Variants in ZNF417 observed in about 807,000 individuals in gnomAD.
ZNF417 encodes zinc finger protein 417.
A neutral mutation model predicts 7.4 loss-of-function variants in ZNF417; 5 were observed. That is an observed-to-expected ratio of 0.68 (90% CI 0.35 to 1.43). The LOEUF is 1.43. Among genes scored for constraint, ZNF417 ranks in the 40% most tolerant of loss-of-function variants. ZNF417 has a pLI of 0.04. For missense variants in ZNF417, 437 were observed against 697.3 expected (o/e 0.63, Z 4.20); for synonymous variants, 147 against 239.1 (o/e 0.61, Z 3.55).
chr19:57,908,671 A>G lies in ZNF417; in HGVS notation c.1607T>C (p.Ile536Thr). ...GKSFAECSSL[I>T]KHRRIHTGER... ...TCCAGTGTGAATTCTCCTGTGTTTA[A>G]TGAGACTGGAACATTCAGCAAAGGA... Residue 536 changes from isoleucine to threonine, a missense_variant, in exon 3 of 3, where the codon ATT becomes ACT. Ile to Thr is a moderately conservative substitution (Grantham distance 89, BLOSUM62 -1). Coordinates refer to ENST00000312026, the MANE Select transcript of ZNF417 (RefSeq NM_152475.3). The G allele has an allele frequency of 6.2e-7, 1 of 1,614,050 alleles. No homozygotes were observed. The highest frequency in any genetic ancestry group is 8.5e-7 in the Non-Finnish European group (1 of 1,180,028).
intron 2 of ZNF417, among the ~76,000 whole-genome samples, chr19:57,910,590 C>A (rs2071891447): frequency 6.6e-6 from 1 of 151,976 alleles, no homozygotes; most frequent in African/African-American, 2.4e-5. Flanking sequence ...AGCTGCCTAG[C>A]ATTACTGGGC....
intron 2 of ZNF417, among the ~76,000 whole-genome samples, chr19:57,911,033 G>A (rs533662016): frequency 6.6e-6 from 1 of 152,130 alleles, no homozygotes; most frequent in Admixed American, 6.5e-5. Context: ...CAACAAGAGC[G>A]AAACTCCATC....
At chr19:57,911,166 A>C (rs1440603395) in intron 2 of ZNF417, among the ~76,000 whole-genome samples, 6 of 152,234 alleles carry the variant, frequency 3.9e-5, no homozygotes, top group Non-Finnish European at 7.3e-5. Flanking sequence ...TCGATACACC[A>C]ATATCAGAGA....
intron 1 of ZNF417, among the ~76,000 whole-genome samples, chr19:57,915,854 C>A (rs1173126629): frequency 6.6e-6 from 1 of 152,136 alleles, no homozygotes; most frequent in Non-Finnish European, 1.5e-5. Context: ...ATTGTAAAAC[C>A]TAAGATCAGT....
Position 57,908,906 on chromosome 19 carries a change from G to C in ZNF417, c.1372C>G (p.His458Asp). Residue 458 changes from histidine (H) to aspartate (D), a missense_variant, in exon 3 of 3, where the codon CAC becomes GAC. His to Asp is a moderately conservative substitution (Grantham distance 81). Around this residue, in one of 5 missense-constraint regions of ZNF417, gnomAD observed 233 missense variants for 235.5 expected, o/e 0.99. Coordinates refer to ENST00000312026, the MANE Select transcript of ZNF417 (RefSeq NM_152475.3). ...KYHLLVHERV[H>D]TGERPYACEV... The stretch of plus-strand genomic sequence containing the variant: ...CACGCATATGGCCTTTCTCCAGTGT[G>C]AACTCTCTCATGAACGAGAAGATGA... The C allele has an allele frequency of 6.2e-7, 1 of 1,614,020 alleles. No homozygotes were observed. The highest frequency in any genetic ancestry group is 8.5e-7 in the Non-Finnish European group (1 of 1,179,922).
chr19:57,915,985 T>G (rs2071943781), intron 1 of ZNF417, among the ~76,000 whole-genome samples: 1 of 152,186 alleles, frequency 6.6e-6, no homozygotes, highest in Non-Finnish European at 1.5e-5. Flanking sequence ...AAAACTCACT[T>G]TAACCCTCTA....
intron 1 of ZNF417, 126 bp from the exon 2 acceptor site, chr19:57,912,315 C>T: frequency 6.7e-7 from 1 of 1,490,256 alleles, no homozygotes; most frequent in Non-Finnish European, 9.0e-7. Context: ...AAACTATGTC[C>T]ACTAGTGCCT....
chr19:57,906,377 C>G lies in ZNF417; in HGVS notation c.*2173G>C, dbSNP rs543790928. ...ATTTAGGGGCTGAGACTGTTAACAT[C>G]TGACTGTACCTTGCTATTTGTAACT... On this transcript the variant is annotated 3_prime_UTR_variant, in exon 3 of 3. Transcript: ENST00000312026. 6.9e-4 allele frequency among the ~76,000 whole-genome samples: 105 copies of G among 152,174 alleles called. No homozygotes were observed. Among genetic ancestry groups the G allele is most frequent in the African/African-American group, 2.5e-3 (104 of 41,536 alleles).
chr19:57,912,016 AGTAAC>A (rs2071902805), intron 2 of ZNF417, 39 bp downstream of exon 2: 1 of 1,528,974 alleles, frequency 6.5e-7, no homozygotes, highest in Admixed American at 2.1e-5. Flanking sequence ...ACAGGGGAAC[AGTAAC>A]ACTAGCTCAG....
At chr19:57,910,477 T>C (rs1477492274) in intron 2 of ZNF417, among the ~76,000 whole-genome samples, 1 of 150,260 alleles carries the variant, frequency 6.7e-6, no homozygotes, top group African/African-American at 2.5e-5. Context: ...ACCCGGGAGG[T>C]GGAGGTTTGC....
chr19:57,916,390 G>C lies in ZNF417; in HGVS notation c.22C>G (p.Arg8Gly), dbSNP rs762475710. ...GGCGCCACAATTACCTGAGTCGGGC[G>C]CCTCGGCGCAGCCGCTGCCATCGGA... Reference protein sequence around the residue: MAAAAPRRPTQQGTVTFE... With the variant: MAAAAPRGPTQQGTVTFE... The change falls in exon 1 of 3, where the codon CGC becomes GGC. Residue 8 changes from arginine (R) to glycine (G), a missense_variant. This residue lies in a region of ZNF417 where 57 missense variants were observed against 70.7 expected (regional missense o/e 0.81). Transcript: ENST00000312026. The C allele has an allele frequency of 1.2e-6, 2 of 1,614,046 alleles. No homozygotes were observed. The highest frequency in any genetic ancestry group is 2.7e-5 in the African/African-American group (2 of 74,954).
intron 1 of ZNF417, chr19:57,915,436 C>T (rs1466920103): frequency 4.5e-6 from 2 of 439,826 alleles, no homozygotes; most frequent in Non-Finnish European, 8.4e-6. Context: ...CGTCCATCTC[C>T]AGGCCATTGC....
At chr19:57,914,483 C>CAAAAA (rs528220711) in intron 1 of ZNF417, among the ~76,000 whole-genome samples, 6 of 57,602 alleles carry the variant, frequency 1.0e-4, no homozygotes, top group Non-Finnish European at 1.8e-4. Context: ...CGAAACTCCA[C>CAAAAA]AAAAAAAAAA....
At position 57,908,585 on chromosome 19, in the gene ZNF417, G is replaced by A. The variant is rs769012321; in HGVS notation, c.1693C>T (p.His565Tyr). 5.6e-6 allele frequency: 9 copies of A among 1,613,258 alleles called. No individual in the cohort carries two copies. The East Asian group carries it at 2.0e-4, about 36-fold the overall frequency. Residue 565 changes from histidine to tyrosine, a missense_variant, in exon 3 of 3, where the codon CAT becomes TAT. This residue lies in a region of ZNF417 where 233 missense variants were observed against 235.5 expected (regional missense o/e 0.99). Coordinates refer to ENST00000312026, the MANE Select transcript of ZNF417 (RefSeq NM_152475.3). ...TTTCTCCTGTGTGAACTCTGATGAT[G>A]AAGGAGGGTAGAGCTTCGCTGAAAT... ...KTFQRSSTLL[H>Y]HQSSHRRKAL
At chr19:57,911,505 C>T (rs1435003295) in intron 2 of ZNF417, among the ~76,000 whole-genome samples, 2 of 152,146 alleles carry the variant, frequency 1.3e-5, no homozygotes, top group African/African-American at 4.8e-5. Flanking sequence ...ATCTCACACC[C>T]AGTACATAGG....
At position 57,916,521 on chromosome 19, in the gene ZNF417, C is replaced by T. The variant is rs1239520385; in HGVS notation, c.-110G>A. 1.3e-6 allele frequency: 2 copies of T among 1,583,826 alleles called. No individual in the cohort carries two copies. Among genetic ancestry groups the T allele is most frequent in the Admixed American group, 3.6e-5 (2 of 55,400 alleles). On this transcript the variant is annotated 5_prime_UTR_variant, in exon 1 of 3. Coordinates refer to ENST00000312026, the MANE Select transcript of ZNF417 (RefSeq NM_152475.3). The stretch of plus-strand genomic sequence containing the variant: ...CTCTCCACCTTCTAGGTTCAGTCAC[C>T]GCGGTCCCCCCCCAGCACTCAGGGG...
rs915431528 is a variant in ZNF417, at chr19:57,916,476, C to A, written c.-65G>T. ...CCGTCACGGGGCTGCAGAGCCGCCT[C>A]TGGGCACCGAGGACGATTCCTCTCC... On this transcript the variant is annotated 5_prime_UTR_variant, in exon 1 of 3. Coordinates refer to ENST00000312026, the MANE Select transcript of ZNF417 (RefSeq NM_152475.3). 33 of 1,612,504 alleles carry A rather than the reference C, an allele frequency of 2.0e-5. No homozygotes were observed. The highest frequency in any genetic ancestry group is 2.5e-5 in the Non-Finnish European group (30 of 1,179,530).
chr19:57,912,868 G>A (rs2071912074), intron 1 of ZNF417, among the ~76,000 whole-genome samples: 1 of 151,964 alleles, frequency 6.6e-6, no homozygotes, highest in Non-Finnish European at 1.5e-5. Context: ...ATCCGCCTTG[G>A]CCTCCAAAAG....
Position 57,905,781 on chromosome 19 carries a change from A to G in ZNF417, c.*2769T>C, listed in dbSNP as rs1370638761. On this transcript the variant is annotated 3_prime_UTR_variant, in exon 3 of 3. Coordinates refer to ENST00000312026, the MANE Select transcript of ZNF417 (RefSeq NM_152475.3). ...TGATGAAGCACGGTAAAATAATTTC[A>G]AACAGGAAAGATGTATGAATCTTTT... is the stretch of plus-strand genomic sequence containing the variant. Among the ~76,000 whole-genome samples, 1 of 152,222 alleles carries G rather than the reference A, an allele frequency of 6.6e-6. No homozygotes were observed. Among genetic ancestry groups the G allele is most frequent in the Non-Finnish European group, 1.5e-5 (1 of 68,048 alleles).
Sources: allele counts gnomAD v4.1 joint callset (sites outside exome capture counted in the v4.1 genomes callset), GRCh38; gene constraint gnomAD v4.1.1; regional missense constraint gnomAD v4.1.1; transcripts MANE v1.5; gene names NCBI Gene and HGNC (gene_info 2026-07-23, HGNC 2026-07-21).